Variants in SLF2 observed in about 807,000 individuals in gnomAD.
SLF2 encodes SMC5-SMC6 complex localization factor protein 2.
Under a neutral mutation model 124.3 loss-of-function variants are expected in SLF2, and 68 were observed. That is an observed-to-expected ratio of 0.55 (90% confidence interval 0.45 to 0.67). The LOEUF (loss-of-function observed/expected upper bound fraction) is 0.67, where lower values mean the gene tolerates loss of function less well. SLF2 is among the 30% of genes least tolerant of loss of function. The pLI is 0.00. For synonymous variants in SLF2, 480 were observed against 478.8 expected (o/e 1.00, Z -0.03); for missense variants, 1,246 against 1,373.7 (o/e 0.91, Z 1.47).
At chr10:100,941,608 C>A (rs1849982431) in intron 11 of SLF2, among the ~76,000 whole-genome samples, 1 of 152,066 alleles carries the variant, frequency 6.6e-6, no homozygotes, top group African/African-American at 2.4e-5. Context: ...ACCTTTATAC[C>A]CTATATTTAA....
At chr10:100,944,197 A>G in intron 12 of SLF2, 69 bp downstream of exon 12, 1 of 438,618 alleles carries the variant, frequency 2.3e-6, no homozygotes. Flanking sequence ...AATGGTTTTT[A>G]AAAAAAAAAA....
At chr10:100,956,594 A>T in intron 18 of SLF2, 57 bp downstream of exon 18, 4 of 1,321,390 alleles carry the variant, frequency 3.0e-6, no homozygotes, top group Non-Finnish European at 4.2e-6. Context: ...TTACGTTAAT[A>T]TTTAAGGATA....
chr10:100,945,562 CAT>C (rs1850089214), intron 13 of SLF2, 56 bp downstream of exon 13: 7 of 1,320,458 alleles, frequency 5.3e-6, no homozygotes, highest in Admixed American at 6.4e-5. Context: ...CAATTTGACT[CAT>C]AGTGCATATG....
At position 100,962,092 on chromosome 10, in the gene SLF2, A is replaced by T. The variant is rs1477259933; in HGVS notation, c.*180A>T. 1.9e-6 allele frequency: 1 copy of T among 528,516 alleles called. No individual in the cohort carries two copies. Among genetic ancestry groups the T allele is most frequent in the African/African-American group, 1.9e-5 (1 of 52,634 alleles). 32.7% of individuals were successfully genotyped at this position (528,516 alleles called of 1,614,324 possible). A position where few individuals can be genotyped will look rare whatever the true frequency, so the allele number is the denominator to read the frequency against. ...AATTGCCATTTCTGAAGCAGATATG[A>T]AATATGATCTGCTTAATTGTTAAGG... is the stretch of plus-strand genomic sequence containing the variant. On this transcript the variant is annotated 3_prime_UTR_variant, in exon 20 of 20. Coordinates refer to ENST00000238961, the MANE Select transcript of SLF2 (RefSeq NM_018121.4).
chr10:100,930,433 A>G (rs1849710138), intron 8 of SLF2, among the ~76,000 whole-genome samples: 1 of 152,168 alleles, frequency 6.6e-6, no homozygotes, highest in Admixed American at 6.5e-5. Context: ...CCACACACTA[A>G]GTTAGTTGAA....
chr10:100,928,079 CAGAGAG>C (rs71013474), intron 6 of SLF2, among the ~76,000 whole-genome samples: 29 of 113,072 alleles, frequency 2.6e-4, no homozygotes, highest in African/African-American at 6.3e-4. Flanking sequence ...GAGAGAGAGA[CAGAGAG>C]AGAGAGAGAG....
chr10:100,943,802 G>T, intron 11 of SLF2: 1 of 398,466 alleles, frequency 2.5e-6, no homozygotes. Context: ...CTTGGATTTG[G>T]CATAAAGAGA....
chr10:100,936,126 G>A (rs1196410616), intron 9 of SLF2, among the ~76,000 whole-genome samples: 2 of 151,938 alleles, frequency 1.3e-5, no homozygotes, highest in African/African-American at 4.8e-5. Context: ...CTCCCAAAGT[G>A]CTGAGATTAC....
At chr10:100,918,769 G>A (rs1388588341) in intron 4 of SLF2, among the ~76,000 whole-genome samples, 1 of 152,024 alleles carries the variant, frequency 6.6e-6, no homozygotes, top group Non-Finnish European at 1.5e-5. Flanking sequence ...GACTACAGAT[G>A]TGGGCAACTA....
chr10:100,937,965 T>G (rs973922745), intron 10 of SLF2, among the ~76,000 whole-genome samples: 88 of 152,322 alleles, frequency 5.8e-4, no homozygotes, highest in African/African-American at 1.8e-3. Flanking sequence ...TATCTGAATT[T>G]TCTTACTTGC....
chr10:100,919,157 G>A (rs920459150), intron 4 of SLF2, among the ~76,000 whole-genome samples: 10 of 151,582 alleles, frequency 6.6e-5, no homozygotes, highest in Non-Finnish European at 7.4e-5. Context: ...GACTACAGGC[G>A]CCCACCACCA....
At position 100,913,010 on chromosome 10, in the gene SLF2, C is replaced by T; in HGVS notation, c.-101C>T. The T allele has an allele frequency of 7.4e-7, 1 of 1,353,736 alleles. No individual in the cohort carries two copies. The highest frequency in any genetic ancestry group is 1.0e-6 in the Non-Finnish European group (1 of 977,050). The allele number at this position is 1,353,736 out of a possible 1,614,324, so 83.9% of individuals were successfully genotyped here. A position where few individuals can be genotyped will look rare whatever the true frequency, so the allele number is the denominator to read the frequency against. ...TGAAGAGAGAAGGGGGTGCCGCCCACCTCTGCTCCGACAGCCTCCCGGAGT... is the reference window on the plus strand; with the variant it reads ...TGAAGAGAGAAGGGGGTGCCGCCCATCTCTGCTCCGACAGCCTCCCGGAGT... On this transcript the variant is annotated 5_prime_UTR_variant, in exon 1 of 20. Transcript: ENST00000238961.
chr10:100,929,144 A>C (rs2133778879), intron 6 of SLF2, among the ~76,000 whole-genome samples, 173 bp from the exon 7 acceptor site: 1 of 152,166 alleles, frequency 6.6e-6, no homozygotes, highest in East Asian at 1.9e-4. Context: ...TTTCATGAAA[A>C]TTGTACGTCG....
At position 100,924,135 on chromosome 10, in the gene SLF2, T is replaced by G; in HGVS notation, c.1134T>G (p.Ile378Met). Reference sequence around the variant, plus strand: ...AGAAAGAAAAATTTATAAAACATATTGCACTGAAGACACCTGGTGATGTGT... The same window carrying G: ...AGAAAGAAAAATTTATAAAACATATGGCACTGAAGACACCTGGTGATGTGT... ...PHQKEKFIKH[I>M]ALKTPGDVLR... Residue 378 changes from isoleucine (I) to methionine (M), a missense_variant, in exon 5 of 20, where the codon ATT becomes ATG. Transcript: ENST00000238961. The G allele has an allele frequency of 6.2e-7, 1 of 1,613,212 alleles. No individual in the cohort carries two copies. The highest frequency in any genetic ancestry group is 8.5e-7 in the Non-Finnish European group (1 of 1,179,788).
chr10:100,930,249 A>G (rs1330500469), intron 8 of SLF2, among the ~76,000 whole-genome samples: 1 of 152,208 alleles, frequency 6.6e-6, no homozygotes, highest in African/African-American at 2.4e-5. Flanking sequence ...TGTCAAAATA[A>G]TAGTGGTTTA....
intron 17 of SLF2, among the ~76,000 whole-genome samples, chr10:100,954,944 T>C (rs1850299257): frequency 6.7e-6 from 1 of 149,810 alleles, no homozygotes; most frequent in Admixed American, 6.6e-5. Flanking sequence ...AGACTCTCTT[T>C]TTTTTTTTTT....
chr10:100,962,084 C>A lies in SLF2; in HGVS notation c.*172C>A. 5.5e-6 allele frequency: 3 copies of A among 548,946 alleles called. No individual in the cohort carries two copies. Among genetic ancestry groups the A allele is most frequent in the Non-Finnish European group, 6.2e-6 (2 of 322,236 alleles). 34.0% of individuals were successfully genotyped at this position (548,946 alleles called of 1,614,324 possible). A position where few individuals can be genotyped will look rare whatever the true frequency, so the allele number is the denominator to read the frequency against. On this transcript the variant is annotated 3_prime_UTR_variant, in exon 20 of 20. Coordinates refer to ENST00000238961, the MANE Select transcript of SLF2 (RefSeq NM_018121.4). Reference sequence around the variant, plus strand: ...AATGAAGAAATTGCCATTTCTGAAGCAGATATGAAATATGATCTGCTTAAT... The same window carrying A: ...AATGAAGAAATTGCCATTTCTGAAGAAGATATGAAATATGATCTGCTTAAT...
chr10:100,947,795 C>G lies in SLF2; in HGVS notation c.3068C>G (p.Ser1023Ter), dbSNP rs1458431418. 1 of 1,611,968 alleles carries G rather than the reference C, an allele frequency of 6.2e-7. No individual in the cohort carries two copies. The highest frequency in any genetic ancestry group is 8.5e-7 in the Non-Finnish European group (1 of 1,179,006). The change falls in exon 15 of 20, where the codon TCA (serine) becomes TGA (stop). Residue 1023 changes from serine (S) to a stop codon, truncating the protein, a stop_gained. Transcript: ENST00000238961. LOFTEE classifies it high-confidence loss of function. Reference protein sequence around the residue: ...LRQCLSLVIISKLLDEKHEDV... With the variant: ...LRQCLSLVII ...CAGTGCCTCAGTCTAGTGATTATTT[C>G]AAAGCTTTTGGATGAGAAACACGAA...
intron 4 of SLF2, among the ~76,000 whole-genome samples, chr10:100,918,722 C>T (rs1211089213): frequency 3.3e-5 from 5 of 151,952 alleles, no homozygotes; most frequent in South Asian, 2.1e-4. Flanking sequence ...CTCCTGGCCT[C>T]GAATGATTCT....
Sources: allele counts gnomAD v4.1 joint callset (sites outside exome capture counted in the v4.1 genomes callset), GRCh38; gene constraint gnomAD v4.1.1; transcripts MANE v1.5; gene names NCBI Gene and HGNC (gene_info 2026-07-23, HGNC 2026-07-21).